The following SORCS3 variants were observed in gnomAD, a reference collection of about 807,000 sequenced individuals.
The protein encoded by SORCS3 is sortilin related VPS10 domain containing receptor 3, also known as VPS10 domain-containing receptor SorCS3.
In SORCS3, 57 loss-of-function variants were observed where a neutral mutation model predicts 146.3. The observed-to-expected ratio is 0.39, with a 90% CI of 0.31 to 0.49. The LOEUF (loss-of-function observed/expected upper bound fraction) is 0.49, where lower values mean the gene tolerates loss of function less well. Ranked by LOEUF, SORCS3 falls within the 20% of genes least tolerant of loss-of-function variation. SORCS3 has a pLI of 0.92. For missense variants in SORCS3, 1,341 were observed against 1,575.5 expected, an observed-to-expected ratio of 0.85 and a Z score of 2.52; for synonymous variants, 653 against 618.5, an observed-to-expected ratio of 1.06 and a Z score of -0.83.
intron 4 of SORCS3, among the ~76,000 whole-genome samples, chr10:105,020,968 C>G (rs903262679): frequency 9.2e-5 from 14 of 152,308 alleles, no homozygotes; most frequent in South Asian, 2.1e-4. Flanking sequence ...TCACCCTCTT[C>G]TTGGAGATCA....
intron 1 of SORCS3, among the ~76,000 whole-genome samples, chr10:104,725,961 T>C (rs548083404): frequency 1.3e-5 from 2 of 152,328 alleles, no homozygotes; most frequent in South Asian, 4.1e-4. Context: ...CGGCTTATGC[T>C]CAGTGCGCTG....
chr10:104,847,152 G>A (rs1052734138), intron 2 of SORCS3, among the ~76,000 whole-genome samples: 10 of 152,202 alleles, frequency 6.6e-5, no homozygotes, highest in African/African-American at 2.4e-4. Flanking sequence ...ACTCGTGGAT[G>A]CGCGTGTGTC....
chr10:105,093,516 A>G (rs557886010), intron 6 of SORCS3, among the ~76,000 whole-genome samples: 19 of 152,302 alleles, frequency 1.2e-4, no homozygotes, highest in Non-Finnish European at 1.3e-4. Flanking sequence ...AAGGACTTGT[A>G]GCCAGAACAT....
At chr10:104,722,398 T>G (rs2016560548) in intron 1 of SORCS3, among the ~76,000 whole-genome samples, 1 of 152,154 alleles carries the variant, frequency 6.6e-6, no homozygotes, top group African/African-American at 2.4e-5. Context: ...TATTGAGGAT[T>G]TTTGCATCGA....
chr10:104,727,291 G>A (rs2016647581), intron 1 of SORCS3, among the ~76,000 whole-genome samples: 1 of 152,110 alleles, frequency 6.6e-6, no homozygotes, highest in Non-Finnish European at 1.5e-5. Flanking sequence ...GATTGCAAAA[G>A]AATATATATT....
chr10:105,201,324 A>G, intron 16 of SORCS3, 71 bp downstream of exon 16: 1 of 1,532,724 alleles, frequency 6.5e-7, no homozygotes. Context: ...GGTGGGGTGA[A>G]GATGAAGTTA....
intron 2 of SORCS3, among the ~76,000 whole-genome samples, chr10:104,890,982 T>C (rs917835479): frequency 6.6e-6 from 1 of 152,254 alleles, no homozygotes; most frequent in African/African-American, 2.4e-5. Context: ...TTTTATCTGA[T>C]ACCAGATACT....
intron 16 of SORCS3, among the ~76,000 whole-genome samples, chr10:105,201,906 T>G (rs909161773): frequency 6.6e-6 from 1 of 151,998 alleles, no homozygotes; most frequent in African/African-American, 2.4e-5. Context: ...TTGGAAGGAG[T>G]CCCTTGCCCA....
At chr10:105,215,305 G>A (rs1457175164) in intron 18 of SORCS3, among the ~76,000 whole-genome samples, 1 of 152,188 alleles carries the variant, frequency 6.6e-6, no homozygotes, top group Non-Finnish European at 1.5e-5. Flanking sequence ...TCTTTGCTGA[G>A]TGGTAGAGCA....
chr10:104,846,832 G>A (rs1459583890), intron 2 of SORCS3, among the ~76,000 whole-genome samples: 2 of 152,154 alleles, frequency 1.3e-5, no homozygotes, highest in Non-Finnish European at 2.9e-5. Context: ...TCATGAGGTT[G>A]GGGACTGACT....
intron 17 of SORCS3, among the ~76,000 whole-genome samples, chr10:105,213,660 T>C (rs1027889459): frequency 1.3e-5 from 2 of 152,160 alleles, no homozygotes; most frequent in African/African-American, 4.8e-5. Flanking sequence ...CTGGGGTTGG[T>C]GGGCAAGGAA....
At chr10:105,259,121 C>T (rs1160685601) in intron 25 of SORCS3, among the ~76,000 whole-genome samples, 2 of 152,190 alleles carry the variant, frequency 1.3e-5, no homozygotes, top group East Asian at 1.9e-4. Context: ...TCTTTCATTA[C>T]TATCCAATAG....
chr10:105,171,047 T>C (rs2056355507), intron 13 of SORCS3, among the ~76,000 whole-genome samples: 2 of 152,170 alleles, frequency 1.3e-5, no homozygotes, highest in Admixed American at 1.3e-4. Flanking sequence ...GATGTATGTA[T>C]ATTAATATTT....
At chr10:105,152,240 G>T (rs2056172942) in intron 9 of SORCS3, among the ~76,000 whole-genome samples, 1 of 152,078 alleles carries the variant, frequency 6.6e-6, no homozygotes, top group Non-Finnish European at 1.5e-5. Flanking sequence ...CAATGCTTTA[G>T]ACCAGCACTG....
At chr10:104,732,159 A>G (rs2016713468) in intron 1 of SORCS3, among the ~76,000 whole-genome samples, 1 of 152,200 alleles carries the variant, frequency 6.6e-6, no homozygotes, top group Admixed American at 6.5e-5. Context: ...TTTGGTGTTT[A>G]ATTGGCCCTC....
chr10:104,931,870 G>A (rs1308151736), intron 3 of SORCS3, among the ~76,000 whole-genome samples: 2 of 152,198 alleles, frequency 1.3e-5, no homozygotes, highest in Non-Finnish European at 2.9e-5. Context: ...AAGATAGGAT[G>A]CAATTATCCA....
At chr10:105,049,603 A>G (rs1168684899) in intron 5 of SORCS3, among the ~76,000 whole-genome samples, 1 of 152,146 alleles carries the variant, frequency 6.6e-6, no homozygotes, top group Admixed American at 6.6e-5. Flanking sequence ...AATCACTACT[A>G]TAAGAAGAAG....
chr10:104,762,520 A>G (rs1366167506), intron 1 of SORCS3, among the ~76,000 whole-genome samples: 1 of 151,994 alleles, frequency 6.6e-6, no homozygotes, highest in Non-Finnish European at 1.5e-5. Flanking sequence ...GTGTTGCTTA[A>G]CTCTGACTTC....
chr10:105,111,426 G>GCTGAA (rs1233330580), intron 7 of SORCS3, among the ~76,000 whole-genome samples: 1 of 152,168 alleles, frequency 6.6e-6, no homozygotes, highest in Non-Finnish European at 1.5e-5. Context: ...ATAAATGTTT[G>GCTGAA]CTGAACTGAA....
Sources: gnomAD v4.1 joint callset for allele counts (sites outside exome capture counted in the v4.1 genomes callset) on GRCh38, gnomAD v4.1.1 for gene constraint, MANE v1.5 for transcripts, NCBI Gene and HGNC (gene_info 2026-07-23, HGNC 2026-07-21) for gene names.